The following OCIAD1 variants were observed in gnomAD, a reference collection of about 807,000 sequenced individuals.
The protein encoded by OCIAD1 is OCIA domain-containing protein 1.
A neutral mutation model predicts 38.9 loss-of-function variants in OCIAD1; 29 were observed. The ratio of observed to expected loss-of-function variants is 0.74; its 90% CI spans 0.55 to 1.02. OCIAD1 has a LOEUF of 1.02. OCIAD1 is among the 50% of genes least tolerant of loss of function. The probability of loss-of-function intolerance (pLI) is 0.00; values close to 1 mark genes in which losing one functional copy is unlikely to be tolerated. For missense variants in OCIAD1, 288 were observed against 289.6 expected (o/e 0.99, Z 0.04); for synonymous variants, 110 against 92.0 (o/e 1.20, Z -1.12).
At chr4:48,834,621 A>G (rs1777814442) in intron 3 of OCIAD1, among the ~76,000 whole-genome samples, 1 of 152,118 alleles carries the variant, frequency 6.6e-6, no homozygotes, top group Non-Finnish European at 1.5e-5. Flanking sequence ...AATGAAAGAA[A>G]TTAGCTGGGT....
chr4:48,851,543 G>A (rs1042946387), intron 6 of OCIAD1, among the ~76,000 whole-genome samples: 12 of 151,958 alleles, frequency 7.9e-5, no homozygotes, highest in Admixed American at 1.3e-4. Context: ...AAGTGGTGGC[G>A]CATGCCTGTA....
At chr4:48,853,206 G>T (rs1779699110) in intron 7 of OCIAD1, among the ~76,000 whole-genome samples, 1 of 151,954 alleles carries the variant, frequency 6.6e-6, no homozygotes, top group East Asian at 1.9e-4. Flanking sequence ...AATTAAACTG[G>T]TAATAAAATC....
intron 3 of OCIAD1, among the ~76,000 whole-genome samples, chr4:48,834,820 A>T (rs1396757120): frequency 6.6e-6 from 1 of 152,160 alleles, no homozygotes; most frequent in African/African-American, 2.4e-5. Flanking sequence ...ATTAAGGAGG[A>T]TGTATGTTTT....
intron 1 of OCIAD1, among the ~76,000 whole-genome samples, chr4:48,817,937 T>C (rs1240563482): frequency 6.6e-6 from 1 of 152,178 alleles, no homozygotes. Context: ...CCCATCTCCC[T>C]GGGATAGAGC....
chr4:48,857,382 T>G lies in OCIAD1; in HGVS notation c.700+17T>G. On this transcript the variant is annotated intron_variant, in intron 8 of 8. Transcript: ENST00000264312. The stretch of plus-strand genomic sequence containing the variant: ...AAAAAGAAGGTATGATAGTTTAGTC[T>G]GAATCACTTTACTGTTGAGGATTGG... The G allele has an allele frequency of 6.7e-7, 1 of 1,494,334 alleles. No homozygotes were observed. The highest frequency in any genetic ancestry group is 8.9e-7 in the Non-Finnish European group (1 of 1,119,324). The allele number at this position is 1,494,334 out of a possible 1,614,324, so 92.6% of individuals were successfully genotyped here. A position where few individuals can be genotyped will look rare whatever the true frequency, so the allele number is the denominator to read the frequency against.
Position 48,850,031 on chromosome 4 carries a change from C to T in OCIAD1, c.326C>T (p.Pro109Leu). 1.2e-6 allele frequency: 2 copies of T among 1,613,338 alleles called. No homozygotes were observed. The highest frequency in any genetic ancestry group is 1.7e-6 in the Non-Finnish European group (2 of 1,179,780). Residue 109 changes from proline (P) to leucine (L), a missense_variant, in exon 6 of 9, where the codon CCC becomes CTC. Physicochemically the swap from Pro to Leu is moderately conservative, Grantham distance 98. Coordinates refer to ENST00000264312, the MANE Select transcript of OCIAD1 (RefSeq NM_017830.4). ...AAATTCAAGAAACTTGAAAATTCCC[C>T]CCTTGGAGAAGCTTTACGATCAGGA... ...QEKFKKLENS[P>L]LGEALRSGQA...
chr4:48,829,849 T>A (rs1215043786), upstream of OCIAD1, among the ~76,000 whole-genome samples: 9 of 152,198 alleles, frequency 5.9e-5, no homozygotes, highest in Non-Finnish European at 1.2e-4. Context: ...AGGAGCTCTG[T>A]AACAGAGACA....
At chr4:48,853,534 TAAAG>T (rs1288151450) in intron 7 of OCIAD1, among the ~76,000 whole-genome samples, 1 of 152,010 alleles carries the variant, frequency 6.6e-6, no homozygotes, top group East Asian at 1.9e-4. Flanking sequence ...GGAAAGAAGT[TAAAG>T]GGAGGGGAGG....
chr4:48,844,297 G>T (rs1211197931), intron 4 of OCIAD1, among the ~76,000 whole-genome samples: 3 of 152,056 alleles, frequency 2.0e-5, no homozygotes, highest in Non-Finnish European at 4.4e-5. Context: ...ATGAAGAGGA[G>T]GAAGTTTTTT....
chr4:48,822,317 G>A (rs1777202318), intron 1 of OCIAD1, among the ~76,000 whole-genome samples: 1 of 152,188 alleles, frequency 6.6e-6, no homozygotes, highest in Admixed American at 6.5e-5. Flanking sequence ...TTAATAAATG[G>A]TGCTGGGAAA....
chr4:48,821,182 C>A (rs753382474), intron 1 of OCIAD1, among the ~76,000 whole-genome samples: 1 of 152,178 alleles, frequency 6.6e-6, no homozygotes, highest in Non-Finnish European at 1.5e-5. Context: ...TCGAGCAGCA[C>A]ATTAAAAATC....
intron 4 of OCIAD1, among the ~76,000 whole-genome samples, chr4:48,844,160 A>C (rs1386800669): frequency 1.3e-5 from 2 of 152,182 alleles, no homozygotes; most frequent in Non-Finnish European, 2.9e-5. Flanking sequence ...TGATGAAGAC[A>C]AATAGGCATA....
In OCIAD1 at chr4:48,850,781, A is replaced by G. The variant is rs1262426385; in HGVS notation, c.377+699A>G. On this transcript the variant is annotated intron_variant, in intron 6 of 8. Coordinates refer to ENST00000264312, the MANE Select transcript of OCIAD1 (RefSeq NM_017830.4). The stretch of plus-strand genomic sequence containing the variant: ...GAAGAGACAGGGTTTTACTGTGTTT[A>G]CCAGGCTGGTCTCAAACTCCTGAGC... Among the ~76,000 whole-genome samples the G allele has an allele frequency of 6.6e-5, 10 of 152,194 alleles. No individual in the cohort carries two copies. In the South Asian group the frequency reaches 1.7e-3, roughly 25 times the overall value.
rs551167722 is a variant in OCIAD1 at position 48,851,836 on chromosome 4, A to G, written c.408A>G (p.Ser136=). The G allele has an allele frequency of 9.9e-6, 16 of 1,612,872 alleles. 1 individual carries two copies. In the African/African-American group the frequency reaches 1.7e-4, roughly 17 times the overall value. Reference sequence around the variant, plus strand: ...ATTATCAAAAGTCAAAATATGACTCAAGTGTGAGTGGTCAATCATCTTTTG... The same window carrying G: ...ATTATCAAAAGTCAAAATATGACTCGAGTGTGAGTGGTCAATCATCTTTTG... ...GHYYQKSKYD[S]SVSGQSSFVT... The change falls in exon 7 of 9, where the codon TCA becomes TCG. Residue 136 remains serine, a synonymous_variant. Coordinates refer to ENST00000264312, the MANE Select transcript of OCIAD1 (RefSeq NM_017830.4).
rs1389786712 is a variant in OCIAD1 at position 48,861,812 on chromosome 4, A to G, written c.*1050A>G. On this transcript the variant is annotated 3_prime_UTR_variant, in exon 9 of 9. Coordinates refer to ENST00000264312, the MANE Select transcript of OCIAD1 (RefSeq NM_017830.4). ...CTAAAACAATAAAAATTTGGTATAC[A>G]TCACAGAGACTGATATTATGTTAAA... 6.6e-6 allele frequency: 1 copy of G among 152,242 alleles called. No homozygotes were observed. Among genetic ancestry groups the G allele is most frequent in the Non-Finnish European group, 1.5e-5 (1 of 68,042 alleles). The allele number at this position is 152,242 out of a possible 1,614,324, so 9.4% of individuals were successfully genotyped here. A position where few individuals can be genotyped will look rare whatever the true frequency, so the allele number is the denominator to read the frequency against.
intron 1 of OCIAD1, among the ~76,000 whole-genome samples, chr4:48,821,061 T>C (rs183535474): frequency 4.2e-4 from 64 of 152,350 alleles, no homozygotes; most frequent in African/African-American, 8.9e-4. Flanking sequence ...GAGGCCAGCA[T>C]CATCCTGATA....
intron 1 of OCIAD1, among the ~76,000 whole-genome samples, chr4:48,812,464 A>C (rs1777100002): frequency 6.6e-6 from 1 of 151,942 alleles, no homozygotes; most frequent in African/African-American, 2.4e-5. Context: ...AAAGACAAGA[A>C]AGAACCAGCA....
intron 7 of OCIAD1, 117 bp downstream of exon 7, chr4:48,852,092 C>G: frequency 1.4e-6 from 1 of 725,254 alleles, no homozygotes; most frequent in Middle Eastern, 2.6e-4. Context: ...AATCATCAAC[C>G]TAAACTCAGC....
intron 1 of OCIAD1, among the ~76,000 whole-genome samples, 199 bp from the exon 2 acceptor site, chr4:48,832,420 GT>G (rs1777589650): frequency 6.6e-6 from 1 of 152,178 alleles, no homozygotes; most frequent in Non-Finnish European, 1.5e-5. Context: ...TGAATAGTGA[GT>G]TCCAAATTAA....
Sources: allele counts gnomAD v4.1 joint callset (sites outside exome capture counted in the v4.1 genomes callset), GRCh38; gene constraint gnomAD v4.1.1; transcripts MANE v1.5; gene names NCBI Gene and HGNC (gene_info 2026-07-23, HGNC 2026-07-21).